Variants in TMEM132C observed in about 807,000 individuals in gnomAD.
TMEM132C encodes the protein protein phosphatase 1, regulatory subunit 152.
Under a neutral mutation model 61.4 loss-of-function variants are expected in TMEM132C, and 29 were observed. That is an observed-to-expected ratio of 0.47 (90% CI 0.35 to 0.64). TMEM132C has a LOEUF of 0.64. Ranked by LOEUF, TMEM132C falls within the 30% of genes least tolerant of loss-of-function variation. The pLI, the probability that TMEM132C is intolerant of heterozygous loss-of-function variation, is 0.00. For missense variants in TMEM132C, 1,408 were observed against 1,476.9 expected (o/e 0.95, Z 0.76); for synonymous variants, 656 against 633.1 (o/e 1.04, Z -0.54).
rs1336581043 is a variant in TMEM132C at position 128,609,213 on chromosome 12, A to C, written c.1122-6939A>C. ...CCTGTAACCCCCACCTCCCTGCAAC[A>C]CTGTAACCCCCGCCTCCCTGCAACA... On this transcript the variant is annotated intron_variant, in intron 3 of 8. Transcript: ENST00000435159. Among the ~76,000 whole-genome samples, 3 of 41,470 alleles carry C rather than the reference A, an allele frequency of 7.2e-5. No homozygotes were observed. The East Asian group carries it at 2.6e-3, about 36-fold the overall frequency. 27.2% of individuals were successfully genotyped at this position (41,470 alleles called of 152,430 possible). A position where few individuals can be genotyped will look rare whatever the true frequency, so the allele number is the denominator to read the frequency against.
At chr12:128,470,219 G>A (rs919450831) in intron 2 of TMEM132C, among the ~76,000 whole-genome samples, 1 of 152,146 alleles carries the variant, frequency 6.6e-6, no homozygotes, top group Admixed American at 6.5e-5. Flanking sequence ...AGGGTCAACT[G>A]CTGAGGCAGA....
chr12:128,274,023 G>A (rs952011023), intron 1 of TMEM132C, among the ~76,000 whole-genome samples: 1 of 152,148 alleles, frequency 6.6e-6, no homozygotes, highest in Non-Finnish European at 1.5e-5. Flanking sequence ...TCCTACCTGT[G>A]CACTGAGCTC....
intron 1 of TMEM132C, among the ~76,000 whole-genome samples, chr12:128,269,138 C>T (rs894852975): frequency 2.0e-5 from 3 of 152,188 alleles, no homozygotes; most frequent in East Asian, 3.9e-4. Context: ...TGAAGAATTC[C>T]CTTCCCAACC....
At chr12:128,555,135 G>T (rs899642563) in intron 3 of TMEM132C, among the ~76,000 whole-genome samples, 2 of 152,116 alleles carry the variant, frequency 1.3e-5, no homozygotes, top group East Asian at 1.9e-4. Context: ...AAACGAGAAG[G>T]CTCTTTCCAA....
At chr12:128,354,482 C>T (rs1873438320) in intron 1 of TMEM132C, among the ~76,000 whole-genome samples, 1 of 149,518 alleles carries the variant, frequency 6.7e-6, no homozygotes, top group East Asian at 2.0e-4. Flanking sequence ...CCTTCCTTTT[C>T]TGTCTTTTCC....
chr12:128,419,990 C>G (rs1009391086), intron 2 of TMEM132C, among the ~76,000 whole-genome samples: 1 of 151,880 alleles, frequency 6.6e-6, no homozygotes, highest in Non-Finnish European at 1.5e-5. Flanking sequence ...GTCAGGAGTT[C>G]AAGACCAGCC....
intron 3 of TMEM132C, among the ~76,000 whole-genome samples, chr12:128,609,989 C>T (rs1043260855): frequency 1.3e-5 from 2 of 152,236 alleles, no homozygotes; most frequent in Non-Finnish European, 2.9e-5. Context: ...TTTTCCTTGT[C>T]AATCAATGCA....
intron 2 of TMEM132C, among the ~76,000 whole-genome samples, chr12:128,470,149 A>G (rs909622288): frequency 6.6e-6 from 1 of 152,116 alleles, no homozygotes; most frequent in African/African-American, 2.4e-5. Flanking sequence ...GCCGGAGTGG[A>G]GCGTGGATGG....
chr12:128,694,178 G>A (rs758141136), intron 6 of TMEM132C, 144 bp downstream of exon 6: 260 of 1,019,310 alleles, frequency 2.6e-4, no homozygotes, highest in Non-Finnish European at 3.4e-4. Flanking sequence ...ACCCAGCCAG[G>A]CCCAAAAGCT....
At chr12:128,459,356 A>G (rs889767030) in intron 2 of TMEM132C, among the ~76,000 whole-genome samples, 2 of 152,182 alleles carry the variant, frequency 1.3e-5, no homozygotes, top group African/African-American at 4.8e-5. Flanking sequence ...CTGAGAGATC[A>G]GGAGGGCCTG....
In TMEM132C at chr12:128,530,844, G is replaced by A. The variant is rs140588925; in HGVS notation, c.975-13113G>A. The stretch of plus-strand genomic sequence containing the variant: ...TATCAAATTGTCATGAAATAATTAG[G>A]AAGTGCTAAGTTTTGAGCATTTATT... On this transcript the variant is annotated intron_variant, in intron 2 of 8. Transcript: ENST00000435159. Among the ~76,000 whole-genome samples the A allele has an allele frequency of 2.8e-4, 42 of 152,294 alleles. No individual in the cohort carries two copies. In the East Asian group the frequency reaches 5.6e-3, roughly 20 times the overall value.
chr12:128,639,483 A>G (rs954420912), intron 4 of TMEM132C, among the ~76,000 whole-genome samples: 10 of 152,162 alleles, frequency 6.6e-5, no homozygotes, highest in Non-Finnish European at 1.5e-4. Flanking sequence ...TGGTGACATC[A>G]TGTTTGAGAA....
intron 3 of TMEM132C, among the ~76,000 whole-genome samples, chr12:128,591,942 C>T (rs1203889127): frequency 6.6e-6 from 1 of 151,056 alleles, no homozygotes; most frequent in Non-Finnish European, 1.5e-5. Context: ...GTCCCAGCTA[C>T]TCAGGAGGCT....
intron 2 of TMEM132C, among the ~76,000 whole-genome samples, chr12:128,535,982 G>A (rs746290412): frequency 5.9e-5 from 9 of 152,206 alleles, no homozygotes; most frequent in Admixed American, 2.6e-4. Context: ...AGACAGTGTG[G>A]CGATTCCTCA....
intron 1 of TMEM132C, among the ~76,000 whole-genome samples, chr12:128,401,498 G>A (rs1376189383): frequency 2.6e-5 from 4 of 152,096 alleles, no homozygotes; most frequent in Admixed American, 2.0e-4. Context: ...AGCCACAGAC[G>A]CAGACTGGTA....
intron 2 of TMEM132C, among the ~76,000 whole-genome samples, chr12:128,442,703 T>C (rs1332593438): frequency 6.6e-6 from 1 of 152,138 alleles, no homozygotes; most frequent in African/African-American, 2.4e-5. Flanking sequence ...TTGAACACTT[T>C]GAGATTTTAA....
intron 1 of TMEM132C, among the ~76,000 whole-genome samples, chr12:128,411,760 A>G (rs1463393310): frequency 6.6e-6 from 1 of 152,218 alleles, no homozygotes; most frequent in African/African-American, 2.4e-5. Context: ...ATACACATGC[A>G]CACATACATA....
chr12:128,694,553 C>T lies in TMEM132C; in HGVS notation c.1655+519C>T, dbSNP rs571601229. 3.9e-5 allele frequency among the ~76,000 whole-genome samples: 6 copies of T among 152,322 alleles called. No homozygotes were observed. The South Asian group carries it at 1.2e-3, about 32-fold the overall frequency. On this transcript the variant is annotated intron_variant, in intron 6 of 8. Transcript: ENST00000435159. ...AGTATGGGGTCTTGTTTTCTCAGCCCTGTGACCCCCGGATTAGCAGACATT... is the reference window on the plus strand; with the variant it reads ...AGTATGGGGTCTTGTTTTCTCAGCCTTGTGACCCCCGGATTAGCAGACATT...
rs1347145172 is a variant in TMEM132C, at chr12:128,705,881, G to T, written c.2913G>T (p.Trp971Cys). ...GQASMTHSHD[W>C]VWLGNEAELL... is the part of the protein sequence containing the mutation. ...CCTCCATGACCCACTCTCACGACTG[G>T]GTGTGGCTTGGCAATGAGGCCGAAC... is the stretch of plus-strand genomic sequence containing the variant. Residue 971 changes from tryptophan to cysteine, a missense_variant, in exon 9 of 9, where the codon TGG (tryptophan) becomes TGT (cysteine). Trp to Cys is a radical substitution (Grantham distance 215). Coordinates refer to ENST00000435159, the MANE Select transcript of TMEM132C (RefSeq NM_001136103.3). 2.6e-6 allele frequency: 4 copies of T among 1,551,330 alleles called. No homozygotes were observed. Among genetic ancestry groups the T allele is most frequent in the Non-Finnish European group, 3.5e-6 (4 of 1,147,002 alleles).
Sources: gnomAD v4.1 joint callset for allele counts (sites outside exome capture counted in the v4.1 genomes callset) on GRCh38, gnomAD v4.1.1 for gene constraint, MANE v1.5 for transcripts, NCBI Gene and HGNC (gene_info 2026-07-23, HGNC 2026-07-21) for gene names.